Variants in MAF observed in about 807,000 individuals in gnomAD.
MAF encodes the protein MAF bZIP transcription factor, also known as transcription factor Maf.
Under a neutral mutation model 22.0 loss-of-function variants are expected in MAF, and 10 were observed. The observed-to-expected ratio is 0.45, with a 90% confidence interval of 0.28 to 0.77. MAF has a LOEUF of 0.77. Ranked by LOEUF, MAF falls within the 30% of genes least tolerant of loss-of-function variation. MAF has a pLI of 0.12. For missense variants in MAF, 544 were observed against 548.4 expected, an observed-to-expected ratio of 0.99 and a Z score of 0.08; for synonymous variants, 337 against 255.8, an observed-to-expected ratio of 1.32 and a Z score of -3.03.
At chr16:79,220,832 T>G in the MAF span, among the ~76,000 whole-genome samples, 1 of 152,244 alleles carries the variant, frequency 6.6e-6, no homozygotes, top group South Asian at 2.1e-4. Flanking sequence ...TAGGTATGTT[T>G]CACCCAGGTG....
At chr16:79,267,515 C>T in the MAF span, among the ~76,000 whole-genome samples, 12 of 152,140 alleles carry the variant, frequency 7.9e-5, no homozygotes, top group Non-Finnish European at 1.6e-4. Context: ...TGTTCTAGGG[C>T]CAAGTACCAA....
chr16:79,573,115 T>G, the MAF span, among the ~76,000 whole-genome samples: 1 of 152,228 alleles, frequency 6.6e-6, no homozygotes, highest in Non-Finnish European at 1.5e-5. Flanking sequence ...ATTTTCCTAT[T>G]AGGTCATTTA....
At chr16:79,229,589 C>G in the MAF span, 31 of 152,146 alleles carry the variant, frequency 2.0e-4, 1 homozygote, top group South Asian at 3.7e-3. Flanking sequence ...GGAGGCCGTT[C>G]GGTAACTCCA....
At chr16:79,532,956 C>T in the MAF span, among the ~76,000 whole-genome samples, 1 of 152,156 alleles carries the variant, frequency 6.6e-6, no homozygotes, top group Admixed American at 6.5e-5. Flanking sequence ...GGGTCTTTGC[C>T]GACATCTGAC....
the MAF span, among the ~76,000 whole-genome samples, chr16:79,568,727 T>C: frequency 6.6e-6 from 1 of 152,182 alleles, no homozygotes; most frequent in Non-Finnish European, 1.5e-5. Context: ...TTCCACCTTT[T>C]AGTGGACCTA....
chr16:79,418,241 T>A, the MAF span, among the ~76,000 whole-genome samples: 1 of 152,112 alleles, frequency 6.6e-6, no homozygotes, highest in Non-Finnish European at 1.5e-5. Context: ...CTGATAGATA[T>A]GAAAACGAGT....
chr16:79,212,266 T>A, the MAF span: 4 of 1,272,100 alleles, frequency 3.1e-6, no homozygotes, highest in African/African-American at 4.5e-5. Context: ...ATTGTTTCAT[T>A]CATCCTGACC....
At chr16:79,300,098 G>T in the MAF span, among the ~76,000 whole-genome samples, 1 of 152,118 alleles carries the variant, frequency 6.6e-6, no homozygotes, top group Non-Finnish European at 1.5e-5. Flanking sequence ...AAAATGTTTG[G>T]TCATGGGAGG....
chr16:79,524,423 G>A, the MAF span, among the ~76,000 whole-genome samples: 1 of 152,110 alleles, frequency 6.6e-6, no homozygotes, highest in Non-Finnish European at 1.5e-5. Flanking sequence ...CTAACCATTA[G>A]CCTGTTGCAA....
the MAF span, among the ~76,000 whole-genome samples, chr16:79,354,825 G>A: frequency 6.6e-6 from 1 of 152,084 alleles, no homozygotes; most frequent in Non-Finnish European, 1.5e-5. Context: ...AACAAGAATT[G>A]AATTCTAGTG....
At chr16:79,254,556 G>C in the MAF span, among the ~76,000 whole-genome samples, 1 of 152,168 alleles carries the variant, frequency 6.6e-6, no homozygotes, top group Admixed American at 6.5e-5. Context: ...AATGACTTGA[G>C]AAACATCTTA....
At chr16:79,504,173 G>C in the MAF span, among the ~76,000 whole-genome samples, 3 of 152,294 alleles carry the variant, frequency 2.0e-5, no homozygotes, top group Admixed American at 2.0e-4. Context: ...GCTGTAGCCT[G>C]AGTTTAAATA....
At chr16:79,368,263 T>C in the MAF span, among the ~76,000 whole-genome samples, 2 of 152,112 alleles carry the variant, frequency 1.3e-5, no homozygotes, top group African/African-American at 4.8e-5. Flanking sequence ...ATGAGCCACA[T>C]CCCTGGCTCT....
chr16:79,342,573 T>TCAC, the MAF span, among the ~76,000 whole-genome samples: 1 of 152,016 alleles, frequency 6.6e-6, no homozygotes, highest in African/African-American at 2.4e-5. Flanking sequence ...ACCATCACCA[T>TCAC]CACCATCACT....
the MAF span, among the ~76,000 whole-genome samples, chr16:79,497,754 T>G: frequency 6.6e-6 from 1 of 152,192 alleles, no homozygotes; most frequent in Non-Finnish European, 1.5e-5. Flanking sequence ...ATTAATGAAG[T>G]AATTGGAAGA....
the MAF span, among the ~76,000 whole-genome samples, chr16:79,500,108 T>C: frequency 6.6e-6 from 1 of 152,190 alleles, no homozygotes; most frequent in Non-Finnish European, 1.5e-5. Flanking sequence ...AGAAGAACCA[T>C]GACCCCGCTG....
chr16:79,495,913 T>C, the MAF span, among the ~76,000 whole-genome samples: 5 of 152,322 alleles, frequency 3.3e-5, no homozygotes, highest in Admixed American at 1.3e-4. Context: ...GTTTCTATTA[T>C]AGTGTGATGG....
chr16:79,214,703 CTTTTT>C, the MAF span, among the ~76,000 whole-genome samples: 5 of 43,074 alleles, frequency 1.2e-4, no homozygotes, highest in African/African-American at 2.9e-4. Flanking sequence ...CTGTGCCTGG[CTTTTT>C]TTTTTTTTTT....
chr16:79,356,188 A>ATG, the MAF span, among the ~76,000 whole-genome samples: 3 of 152,166 alleles, frequency 2.0e-5, 1 homozygote, highest in Admixed American at 1.3e-4. Flanking sequence ...ATGTGCACAC[A>ATG]CACACACACA....
Sources: allele counts gnomAD v4.1 joint callset (sites outside exome capture counted in the v4.1 genomes callset), GRCh38; gene constraint gnomAD v4.1.1; transcripts MANE v1.5; gene names NCBI Gene and HGNC (gene_info 2026-07-23, HGNC 2026-07-21).